SLCO3A1: variants seen among roughly 807,000 people sequenced by gnomAD.
The protein encoded by SLCO3A1 is PGE1 transporter.
In SLCO3A1, 27 loss-of-function variants were observed where a neutral mutation model predicts 63.1. The ratio of observed to expected loss-of-function variants is 0.43; its 90% CI spans 0.32 to 0.59. SLCO3A1 has a LOEUF of 0.59. Ranked by LOEUF, SLCO3A1 falls within the 20% of genes least tolerant of loss-of-function variation. SLCO3A1 has a pLI of 0.09. For missense variants in SLCO3A1, 773 were observed against 945.8 expected, an observed-to-expected ratio of 0.82 and a Z score of 2.40; for synonymous variants, 473 against 409.9, an observed-to-expected ratio of 1.15 and a Z score of -1.86.
At chr15:92,081,432 C>T (rs1567109194) in intron 2 of SLCO3A1, among the ~76,000 whole-genome samples, 2 of 151,878 alleles carry the variant, frequency 1.3e-5, no homozygotes, top group Admixed American at 1.3e-4. Context: ...CTCACTGGTG[C>T]GATCTTGGCT....
At position 92,077,889 on chromosome 15, in the gene SLCO3A1, C is replaced by G. The variant is rs73540448; in HGVS notation, c.647-16992C>G. ...TCCCCTTTCTGAGTGGGAGGAAGTGCAGGATCCTGCAGGACCTGGGCTCCT... is the reference window on the plus strand; with the variant it reads ...TCCCCTTTCTGAGTGGGAGGAAGTGGAGGATCCTGCAGGACCTGGGCTCCT... On this transcript the variant is annotated intron_variant, in intron 2 of 9. Transcript: ENST00000318445. Among the ~76,000 whole-genome samples, 354 of 152,268 alleles carry G rather than the reference C, an allele frequency of 2.3e-3. 2 individuals are homozygous for G. The highest frequency in any genetic ancestry group is 7.4e-3 in the African/African-American group (309 of 41,542).
intron 2 of SLCO3A1, among the ~76,000 whole-genome samples, chr15:92,007,683 T>G (rs1440982325): frequency 6.6e-6 from 1 of 152,202 alleles, no homozygotes; most frequent in Non-Finnish European, 1.5e-5. Flanking sequence ...TTCTGAAAAT[T>G]AGAAGAACTG....
chr15:92,093,930 G>A (rs541945974), intron 2 of SLCO3A1, among the ~76,000 whole-genome samples: 36 of 152,110 alleles, frequency 2.4e-4, no homozygotes, highest in Non-Finnish European at 4.4e-4. Flanking sequence ...CCCAACCTTG[G>A]AGCTGCCTGG....
rs1189962555 is a variant in SLCO3A1, at chr15:91,942,247, G to T, written c.646+25789G>T. ...TGACTCTTCTGTGAAATCCAAAAAT[G>T]TAGCAACTGCTGAACCCCACAATGT... On this transcript the variant is annotated intron_variant, in intron 2 of 9. Coordinates refer to ENST00000318445, the MANE Select transcript of SLCO3A1 (RefSeq NM_013272.4). This position sits in a 1 kb window ranked among gnomAD's most constrained non-coding sequence, Gnocchi z 4.1. Among the ~76,000 whole-genome samples, 1 of 152,186 alleles carries T rather than the reference G, an allele frequency of 6.6e-6. No individual in the cohort carries two copies. Among genetic ancestry groups the T allele is most frequent in the Non-Finnish European group, 1.5e-5 (1 of 68,036 alleles).
intron 9 of SLCO3A1, among the ~76,000 whole-genome samples, chr15:92,154,007 G>A (rs2048340604): frequency 6.6e-6 from 1 of 152,196 alleles, no homozygotes; most frequent in Admixed American, 6.5e-5. Flanking sequence ...AATGAAAGTT[G>A]TTGATGGGCT....
intron 2 of SLCO3A1, among the ~76,000 whole-genome samples, chr15:91,972,236 C>A (rs72755613): frequency 6.6e-6 from 1 of 151,988 alleles, no homozygotes; most frequent in Admixed American, 6.6e-5. Context: ...CAGGTGGCTG[C>A]GCTGGGTTGG....
At chr15:91,989,847 A>G (rs566710196) in intron 2 of SLCO3A1, among the ~76,000 whole-genome samples, 2 of 152,372 alleles carry the variant, frequency 1.3e-5, no homozygotes, top group African/African-American at 4.8e-5. Context: ...ATTAGAGGAC[A>G]GAATTAGTCT....
intron 2 of SLCO3A1, among the ~76,000 whole-genome samples, chr15:91,973,830 G>A (rs1263985266): frequency 6.6e-6 from 1 of 152,190 alleles, no homozygotes; most frequent in African/African-American, 2.4e-5. Flanking sequence ...TAAGGGGAAA[G>A]CAGGCTCTCG....
At chr15:92,056,697 C>T (rs536120103) in intron 2 of SLCO3A1, among the ~76,000 whole-genome samples, 171 of 152,270 alleles carry the variant, frequency 1.1e-3, no homozygotes, top group African/African-American at 3.7e-3. Context: ...AGACCTTCAC[C>T]GCTCTACCTT....
intron 2 of SLCO3A1, among the ~76,000 whole-genome samples, chr15:92,089,717 A>G (rs1380340818): frequency 6.6e-6 from 1 of 152,132 alleles, no homozygotes; most frequent in African/African-American, 2.4e-5. Flanking sequence ...TAAAGATTAT[A>G]TAGTGCGGGA....
In SLCO3A1 at chr15:91,865,039, C is replaced by A. The variant is rs916679251; in HGVS notation, c.180+10951C>A. On this transcript the variant is annotated intron_variant, in intron 1 of 9. Coordinates refer to ENST00000318445, the MANE Select transcript of SLCO3A1 (RefSeq NM_013272.4). This position sits in a 1 kb window ranked among gnomAD's most constrained non-coding sequence, Gnocchi z 4.6. ...TGCCATGGGCAGTGTCCTTTCTGCC[C>A]CCTCCGTGGTTGGCCACCCGCTGTC... 2.6e-5 allele frequency among the ~76,000 whole-genome samples: 4 copies of A among 152,168 alleles called. No homozygotes were observed. The highest frequency in any genetic ancestry group is 6.5e-5 in the Admixed American group (1 of 15,284).
chr15:92,067,970 T>A lies in SLCO3A1; in HGVS notation c.647-26911T>A, dbSNP rs2151512353. Among the ~76,000 whole-genome samples, 2 of 152,300 alleles carry A rather than the reference T, an allele frequency of 1.3e-5. 1 individual carries two copies. The highest frequency in any genetic ancestry group is 4.1e-4 in the South Asian group (2 of 4,820). The stretch of plus-strand genomic sequence containing the variant: ...GGGTGAGGCAGCTCCCTGGAGCCTC[T>A]TTTTTAAGGGCACTCACCCTATTCA... On this transcript the variant is annotated intron_variant, in intron 2 of 9. Coordinates refer to ENST00000318445, the MANE Select transcript of SLCO3A1 (RefSeq NM_013272.4).
chr15:91,959,706 A>G (rs1413340401), intron 2 of SLCO3A1, among the ~76,000 whole-genome samples: 1 of 143,350 alleles, frequency 7.0e-6, no homozygotes, highest in African/African-American at 2.6e-5. Flanking sequence ...CCTGGGCAAC[A>G]GAGTGAGACT....
At chr15:92,094,495 A>G (rs2047514489) in intron 2 of SLCO3A1, among the ~76,000 whole-genome samples, 1 of 152,268 alleles carries the variant, frequency 6.6e-6, no homozygotes, top group Non-Finnish European at 1.5e-5. Flanking sequence ...TTAGCCAACC[A>G]TAAATTAAAT....
At chr15:92,100,429 A>G (rs1031113647) in intron 3 of SLCO3A1, among the ~76,000 whole-genome samples, 1 of 152,240 alleles carries the variant, frequency 6.6e-6, no homozygotes, top group Admixed American at 6.5e-5. Flanking sequence ...ATTTTATTCA[A>G]CATCTTTCTT....
intron 2 of SLCO3A1, among the ~76,000 whole-genome samples, chr15:92,037,040 G>A (rs766030619): frequency 3.3e-5 from 5 of 152,086 alleles, no homozygotes; most frequent in African/African-American, 7.2e-5. Flanking sequence ...ATACAGAAGC[G>A]AATAAAACCA....
At chr15:92,170,144 C>T (rs1014855229), downstream of SLCO3A1, among the ~76,000 whole-genome samples, 1 of 152,146 alleles carries the variant, frequency 6.6e-6, no homozygotes, top group Admixed American at 6.5e-5. Context: ...CTCACACTAA[C>T]CTTATAGAAG....
At chr15:91,889,003 GTC>G in intron 1 of SLCO3A1, 1 of 389,752 alleles carries the variant, frequency 2.6e-6, no homozygotes, top group South Asian at 2.3e-5. Flanking sequence ...GAGTGAGACT[GTC>G]TCTAAAAAAA....
chr15:91,856,096 C>A lies in SLCO3A1; in HGVS notation c.180+2008C>A, dbSNP rs138841316. On this transcript the variant is annotated intron_variant, in intron 1 of 9. Transcript: ENST00000318445. This position sits in a 1 kb window ranked among gnomAD's most constrained non-coding sequence, Gnocchi z 4.9. ...TGGACTTCTGGAGGCAGGGCTGGCCCCAGGAGATAGGAGGTTGACTTTAAT... is the reference window on the plus strand; with the variant it reads ...TGGACTTCTGGAGGCAGGGCTGGCCACAGGAGATAGGAGGTTGACTTTAAT... 3.3e-5 allele frequency among the ~76,000 whole-genome samples: 5 copies of A among 151,768 alleles called. No individual in the cohort carries two copies.
Sources: gnomAD v4.1 joint callset for allele counts (sites outside exome capture counted in the v4.1 genomes callset) on GRCh38, gnomAD v4.1.1 for gene constraint, Gnocchi (gnomAD v3.1) non-coding constraint, MANE v1.5 for transcripts, NCBI Gene and HGNC (gene_info 2026-07-23, HGNC 2026-07-21) for gene names.